The following LRP1B variants were observed in gnomAD, a reference collection of about 807,000 sequenced individuals.
The protein encoded by LRP1B is low-density lipoprotein receptor-related protein 1B.
LRP1B carries 217 observed loss-of-function variants against 556.6 expected under a neutral mutation model. The ratio of observed to expected loss-of-function variants is 0.39; its 90% confidence interval spans 0.35 to 0.44. The LOEUF is 0.44. Among genes scored for constraint, LRP1B ranks in the 20% least tolerant of loss-of-function variants. The probability of loss-of-function intolerance (pLI) is 1.00; values close to 1 mark genes in which losing one functional copy is unlikely to be tolerated. For missense variants in LRP1B, 5,053 were observed against 5,620.8 expected, an observed-to-expected ratio of 0.90 and a Z score of 3.23; for synonymous variants, 2,047 against 1,865.8, an observed-to-expected ratio of 1.10 and a Z score of -2.50.
intron 43 of LRP1B, among the ~76,000 whole-genome samples, chr2:140,572,870 T>G (rs1410841237): frequency 6.6e-6 from 1 of 151,302 alleles, no homozygotes; most frequent in Non-Finnish European, 1.5e-5. Flanking sequence ...CATGGAAGTT[T>G]GTAGGACATT....
intron 2 of LRP1B, among the ~76,000 whole-genome samples, chr2:141,483,147 G>T (rs1267278449): frequency 7.6e-6 from 1 of 131,176 alleles, no homozygotes; most frequent in Non-Finnish European, 1.5e-5. Context: ...GGAGTGTGAT[G>T]TTCCCCTTCC....
chr2:141,382,080 T>C (rs80114115), intron 3 of LRP1B, among the ~76,000 whole-genome samples: 4,185 of 152,194 alleles, frequency 0.027, 70 homozygotes, highest in Non-Finnish European at 0.041. Context: ...ACCACCTAAT[T>C]TTGTCTTCAG....
chr2:141,149,466 T>A (rs1436533873), intron 7 of LRP1B, among the ~76,000 whole-genome samples: 1 of 152,224 alleles, frequency 6.6e-6, no homozygotes, highest in Non-Finnish European at 1.5e-5. Context: ...TACCTTTATT[T>A]CAAGTGAGAG....
chr2:140,315,244 A>G, intron 82 of LRP1B, 145 bp from the exon 83 acceptor site: 2 of 538,436 alleles, frequency 3.7e-6, no homozygotes, highest in Non-Finnish European at 6.3e-6. Flanking sequence ...AAAAAATTAA[A>G]TACTATCTGA....
chr2:140,880,970 A>G (rs1693454403), intron 25 of LRP1B, among the ~76,000 whole-genome samples: 1 of 152,182 alleles, frequency 6.6e-6, no homozygotes, highest in African/African-American at 2.4e-5. Flanking sequence ...CTTGCCACCA[A>G]AAAGCTTAAG....
intron 18 of LRP1B, among the ~76,000 whole-genome samples, chr2:140,959,564 A>G (rs1695973448): frequency 6.6e-6 from 1 of 151,726 alleles, no homozygotes; most frequent in Non-Finnish European, 1.5e-5. Flanking sequence ...AGTAATTAAG[A>G]AAATAATAAA....
At chr2:141,620,746 T>C (rs1417811694) in intron 2 of LRP1B, among the ~76,000 whole-genome samples, 1 of 152,186 alleles carries the variant, frequency 6.6e-6, no homozygotes, top group South Asian at 2.1e-4. Context: ...ACCACTGTTT[T>C]GTTTTTTTCT....
intron 3 of LRP1B, among the ~76,000 whole-genome samples, chr2:141,339,964 T>C (rs1231859796): frequency 6.6e-6 from 1 of 152,036 alleles, no homozygotes; most frequent in Non-Finnish European, 1.5e-5. Context: ...TCTCCAGGTG[T>C]CTCTCATTCT....
chr2:140,780,841 C>T (rs571485252), intron 32 of LRP1B, among the ~76,000 whole-genome samples: 2 of 152,206 alleles, frequency 1.3e-5, no homozygotes, highest in African/African-American at 2.4e-5. Context: ...AGAAAAAAAT[C>T]TTTCTTCCTT....
At chr2:141,100,097 T>C in intron 7 of LRP1B, among the ~76,000 whole-genome samples, 1 of 152,194 alleles carries the variant, frequency 6.6e-6, no homozygotes, top group East Asian at 1.9e-4. Context: ...TTTATATCTC[T>C]TATTGCTGAA....
chr2:140,804,648 A>ATTTTTTTTTTTTTTTTTTTTT (rs1690646115), intron 32 of LRP1B, among the ~76,000 whole-genome samples: 1 of 103,892 alleles, frequency 9.6e-6, no homozygotes. Flanking sequence ...GGTAAAAACT[A>ATTTTTTTTTTTTTTTTTTTTT]ATTTTTTTTT....
intron 1 of LRP1B, among the ~76,000 whole-genome samples, chr2:141,997,971 AT>A (rs1035986198): frequency 5.9e-5 from 9 of 152,054 alleles, no homozygotes; most frequent in African/African-American, 1.2e-4. Flanking sequence ...GCATTACCTG[AT>A]TTCTTTTGAA....
At chr2:140,738,016 G>C (rs567896782) in intron 35 of LRP1B, among the ~76,000 whole-genome samples, 5 of 152,090 alleles carry the variant, frequency 3.3e-5, no homozygotes, top group African/African-American at 1.2e-4. Flanking sequence ...TCAATGATGC[G>C]CTGGAGAATT....
At chr2:142,063,887 T>G (rs781645432) in intron 1 of LRP1B, among the ~76,000 whole-genome samples, 6 of 151,582 alleles carry the variant, frequency 4.0e-5, no homozygotes, top group Non-Finnish European at 7.4e-5. Flanking sequence ...CTATAAGTAT[T>G]TCCTGGTATC....
At position 142,034,836 on chromosome 2, in the gene LRP1B, C is replaced by G. The variant is rs893446117; in HGVS notation, c.82+95812G>C. ...ATAGTAACCATAAACCTAGCAGCAT[C>G]TGGCAAATAGTAGCTCTTCAATAAT... is the stretch of plus-strand genomic sequence containing the variant. On this transcript the variant is annotated intron_variant, in intron 1 of 90. Transcript: ENST00000389484. Among the ~76,000 whole-genome samples the G allele has an allele frequency of 7.2e-5, 11 of 151,848 alleles. No homozygotes were observed. In the East Asian group the frequency reaches 1.4e-3, roughly 19 times the overall value.
At chr2:141,613,573 A>G (rs1265249463) in intron 2 of LRP1B, among the ~76,000 whole-genome samples, 14 of 152,144 alleles carry the variant, frequency 9.2e-5, no homozygotes, top group Admixed American at 9.2e-4. Context: ...ACACCTATCA[A>G]TAATAAGAAA....
chr2:142,020,920 T>C (rs1344226677), intron 1 of LRP1B, among the ~76,000 whole-genome samples: 1 of 152,220 alleles, frequency 6.6e-6, no homozygotes, highest in Admixed American at 6.5e-5. Flanking sequence ...AAGCAGCTAG[T>C]AAATGTTCAT....
chr2:140,625,215 G>C (rs1683613156), intron 41 of LRP1B, among the ~76,000 whole-genome samples: 1 of 152,158 alleles, frequency 6.6e-6, no homozygotes, highest in African/African-American at 2.4e-5. Flanking sequence ...AGATGACCAT[G>C]CCTGTAATAA....
intron 41 of LRP1B, among the ~76,000 whole-genome samples, chr2:140,636,472 T>A (rs986551557): frequency 6.6e-6 from 1 of 152,166 alleles, no homozygotes; most frequent in Non-Finnish European, 1.5e-5. Flanking sequence ...AGAAAATGTA[T>A]TCCTGCATTT....
Sources: allele counts gnomAD v4.1 joint callset (sites outside exome capture counted in the v4.1 genomes callset), GRCh38; gene constraint gnomAD v4.1.1; transcripts MANE v1.5; gene names NCBI Gene and HGNC (gene_info 2026-07-23, HGNC 2026-07-21).